CDC25C: variants seen among roughly 807,000 people sequenced by gnomAD.
CDC25C encodes the protein M-phase inducer phosphatase 3.
A neutral mutation model predicts 52.5 loss-of-function variants in CDC25C; 48 were observed. That is an observed-to-expected ratio of 0.91 (90% confidence interval 0.72 to 1.16). The LOEUF is 1.16. Among genes scored for constraint, CDC25C ranks in the 50% most tolerant of loss-of-function variants. CDC25C has a pLI of 0.00. For synonymous variants in CDC25C, 187 were observed against 206.5 expected, an observed-to-expected ratio of 0.91 and a Z score of 0.81; for missense variants, 510 against 566.1, an observed-to-expected ratio of 0.90 and a Z score of 1.01.
At chr5:138,313,537 C>T (rs999563994) in intron 7 of CDC25C, among the ~76,000 whole-genome samples, 10 of 151,992 alleles carry the variant, frequency 6.6e-5, no homozygotes, top group Middle Eastern at 3.4e-3. Flanking sequence ...TTTACCATAA[C>T]AAAAAATGTA....
chr5:138,315,477 T>C (rs1758807004), intron 7 of CDC25C, among the ~76,000 whole-genome samples: 1 of 152,138 alleles, frequency 6.6e-6, no homozygotes, highest in South Asian at 2.1e-4. Context: ...TTCTATTTTA[T>C]GGAGGTATAA....
At chr5:138,323,893 G>A (rs1759635531) in intron 6 of CDC25C, among the ~76,000 whole-genome samples, 1 of 151,204 alleles carries the variant, frequency 6.6e-6, no homozygotes, top group African/African-American at 2.4e-5. Flanking sequence ...GGGAGGCAGA[G>A]GTTGCAGTGA....
upstream of CDC25C, among the ~76,000 whole-genome samples, chr5:138,334,225 C>T (rs933605698): frequency 9.4e-5 from 14 of 149,434 alleles, no homozygotes; most frequent in African/African-American, 2.0e-4. Flanking sequence ...TGAGCCACTG[C>T]GCCCGGCCGC....
chr5:138,296,740 G>A (rs368786984), intron 7 of CDC25C, among the ~76,000 whole-genome samples: 1 of 150,782 alleles, frequency 6.6e-6, no homozygotes, highest in South Asian at 2.1e-4. Context: ...AGAGTAGCTG[G>A]GACTACAGGC....
At chr5:138,325,789 T>C (rs765544783) in intron 6 of CDC25C, 26 bp downstream of exon 6, 1 of 1,521,496 alleles carries the variant, frequency 6.6e-7, no homozygotes. Flanking sequence ...ACTGCCAATA[T>C]ATCTAGGTTT....
chr5:138,322,000 ATTATT>A (rs769355247), intron 6 of CDC25C, among the ~76,000 whole-genome samples: 32 of 151,720 alleles, frequency 2.1e-4, no homozygotes, highest in Non-Finnish European at 3.4e-4. Context: ...AATTATTATT[ATTATT>A]TTATTTTATT....
At chr5:138,333,273 G>T (rs1760522641), upstream of CDC25C, among the ~76,000 whole-genome samples, 1 of 152,072 alleles carries the variant, frequency 6.6e-6, no homozygotes, top group South Asian at 2.1e-4. Context: ...CATTATCAAG[G>T]CCCCCAGGTG....
rs746977589 is a variant in CDC25C, at chr5:138,331,226, GA to G, written c.-38-9del. 2 of 1,564,278 alleles carry G rather than the reference GA, an allele frequency of 1.3e-6. No individual in the cohort carries two copies. The highest frequency in any genetic ancestry group is 2.2e-5 in the South Asian group (2 of 90,130). Reference sequence around the variant, plus strand: ...GAGAAAAACAAAACCTAGCTAGGAGGAAAACGTCATCTAAATCGGTACATCA... The same window carrying G: ...GAGAAAAACAAAACCTAGCTAGGAGGAAACGTCATCTAAATCGGTACATCA... On this transcript the variant is annotated splice_polypyrimidine_tract_variant and intron_variant, in intron 1 of 13. Coordinates refer to ENST00000323760, the MANE Select transcript of CDC25C (RefSeq NM_001790.5).
intron 6 of CDC25C, among the ~76,000 whole-genome samples, chr5:138,324,771 G>GA (rs1178890313): frequency 2.0e-5 from 3 of 150,450 alleles, no homozygotes; most frequent in Non-Finnish European, 3.0e-5. Context: ...CAAAAAAAAA[G>GA]AAAAAAAAGT....
At position 138,289,468 on chromosome 5, in the gene CDC25C, G is replaced by A. The variant is rs561984040; in HGVS notation, c.927+33C>T. On this transcript the variant is annotated intron_variant, in intron 10 of 13. Coordinates refer to ENST00000323760, the MANE Select transcript of CDC25C (RefSeq NM_001790.5). ...CAGAAGAGACCAGATGGTAGCTTAT[G>A]TAACCAGTTACCATCTCCAGAAATC... The A allele has an allele frequency of 4.6e-4, 687 of 1,504,696 alleles. 4 individuals carry two copies. In the South Asian group the frequency reaches 7.4e-3, roughly 16 times the overall value. The allele number at this position is 1,504,696 out of a possible 1,614,324, so 93.2% of individuals were successfully genotyped here.
chr5:138,307,490 C>CAAAAAAAAAAAAAAAAAAAAAAAAAAA (rs57593237), intron 7 of CDC25C, among the ~76,000 whole-genome samples: 2 of 88,248 alleles, frequency 2.3e-5, no homozygotes, highest in African/African-American at 4.6e-5. Flanking sequence ...GAGACTGCCA[C>CAAAAAAAAAAAAAAAAAAAAAAAAAAA]AAAAAAAAAA....
chr5:138,305,777 A>C (rs7703938), intron 7 of CDC25C, among the ~76,000 whole-genome samples: 22,296 of 152,196 alleles, frequency 0.15, 1,901 homozygotes, highest in South Asian at 0.23. Context: ...AGTAAAATCT[A>C]AAGTTAGAGA....
intron 7 of CDC25C, among the ~76,000 whole-genome samples, chr5:138,305,050 CCAA>C (rs1334832822): frequency 5.9e-5 from 9 of 152,166 alleles, no homozygotes; most frequent in Admixed American, 2.0e-4. Flanking sequence ...CTCAGTCCCT[CCAA>C]CATGTGAAGA....
At chr5:138,300,830 G>A (rs983288308) in intron 7 of CDC25C, among the ~76,000 whole-genome samples, 1 of 152,028 alleles carries the variant, frequency 6.6e-6, no homozygotes, top group African/African-American at 2.4e-5. Flanking sequence ...TTCAATAACA[G>A]AAAGGTCCTC....
At chr5:138,291,003 C>T (rs1323951286) in intron 8 of CDC25C, among the ~76,000 whole-genome samples, 1 of 151,966 alleles carries the variant, frequency 6.6e-6, no homozygotes, top group African/African-American at 2.4e-5. Flanking sequence ...TGCAGTGAGT[C>T]AAGACCATGC....
Position 138,314,603 on chromosome 5 carries a change from C to CTTTT in CDC25C, c.615+4612_615+4615dup, listed in dbSNP as rs907033621. On this transcript the variant is annotated intron_variant, in intron 7 of 13. Transcript: ENST00000323760. ...GAGTCACCGCTCCCAGCCTATAGCA[C>CTTTT]TTTTTTTTTTTTTTTTTTTTTTGAG... Among the ~76,000 whole-genome samples, 223 of 114,702 alleles carry CTTTT rather than the reference C, an allele frequency of 1.9e-3. 1 individual carries two copies. The highest frequency in any genetic ancestry group is 2.7e-3 in the Non-Finnish European group (152 of 55,616). The allele number at this position is 114,702 out of a possible 152,430, so 75.2% of individuals were successfully genotyped here.
chr5:138,285,704 G>A lies in CDC25C; in HGVS notation c.1410C>T (p.Asp470=), dbSNP rs529868957. 95 of 1,614,066 alleles carry A rather than the reference G, an allele frequency of 5.9e-5. 2 individuals carry two copies. The South Asian group carries it at 9.7e-4, about 16-fold the overall frequency. Residue 470 remains aspartate (D), a synonymous_variant, in exon 14 of 14, where the codon GAC becomes GAT. Coordinates refer to ENST00000323760, the MANE Select transcript of CDC25C (RefSeq NM_001790.5). ...LREQIALLVK[D]MSP is the part of the protein sequence containing the mutation. ...GGCTGGAATGTTATCATGGGCTCAT[G>A]TCCTTCACCAGAAGGGCAATCTGCT...
chr5:138,312,774 A>G (rs1033119053), intron 7 of CDC25C, among the ~76,000 whole-genome samples: 5 of 152,232 alleles, frequency 3.3e-5, no homozygotes, highest in African/African-American at 1.2e-4. Flanking sequence ...TTACACAACA[A>G]TGGGAATGTA....
intron 7 of CDC25C, among the ~76,000 whole-genome samples, chr5:138,304,637 C>G (rs1349479431): frequency 1.3e-5 from 2 of 151,910 alleles, no homozygotes; most frequent in African/African-American, 4.8e-5. Flanking sequence ...TCCCAAGTGG[C>G]TGGGACTACA....
Sources: allele counts gnomAD v4.1 joint callset (sites outside exome capture counted in the v4.1 genomes callset), GRCh38; gene constraint gnomAD v4.1.1; transcripts MANE v1.5; gene names NCBI Gene and HGNC (gene_info 2026-07-23, HGNC 2026-07-21).